Variants in TAFA2 observed in about 807,000 individuals in gnomAD.
The protein encoded by TAFA2 is TAFA chemokine like family member 2.
Under a neutral mutation model 18.8 loss-of-function variants are expected in TAFA2, and 7 were observed. The ratio of observed to expected loss-of-function variants is 0.37; its 90% CI spans 0.21 to 0.70. The LOEUF (loss-of-function observed/expected upper bound fraction) is 0.70. Among genes scored for constraint, TAFA2 ranks in the 30% least tolerant of loss-of-function variants. The pLI is 0.53. For missense variants in TAFA2, 122 were observed against 158.1 expected (o/e 0.77, Z 1.23); for synonymous variants, 60 against 54.2 (o/e 1.11, Z -0.47).
At chr12:62,004,105 T>A (rs1330230671) in intron 1 of TAFA2, among the ~76,000 whole-genome samples, 1 of 152,100 alleles carries the variant, frequency 6.6e-6, no homozygotes, top group Non-Finnish European at 1.5e-5. Context: ...GTGACTAAAA[T>A]CATTACAATA....
intron 1 of TAFA2, chr12:61,880,069 C>T: frequency 1.5e-6 from 1 of 659,916 alleles, no homozygotes; most frequent in Non-Finnish European, 2.8e-6. Context: ...TGTCCATAGA[C>T]AGCAGCCACT....
intron 1 of TAFA2, among the ~76,000 whole-genome samples, chr12:61,871,943 T>C (rs983373689): frequency 6.6e-6 from 1 of 151,994 alleles, no homozygotes. Flanking sequence ...ATACCAAAAA[T>C]TAGCCAGGCG....
At chr12:61,725,207 C>T (rs1019803734) in intron 4 of TAFA2, among the ~76,000 whole-genome samples, 4 of 151,968 alleles carry the variant, frequency 2.6e-5, no homozygotes, top group Non-Finnish European at 4.4e-5. Flanking sequence ...GCATAGTTTG[C>T]AAGTATTGTC....
intron 4 of TAFA2, among the ~76,000 whole-genome samples, chr12:61,727,363 G>A (rs1425790696): frequency 6.9e-6 from 1 of 145,706 alleles, no homozygotes; most frequent in Non-Finnish European, 1.5e-5. Flanking sequence ...TTTTTTTTTT[G>A]ACAATTTTTT....
At chr12:61,877,390 T>G (rs1327437829) in intron 1 of TAFA2, among the ~76,000 whole-genome samples, 1 of 152,180 alleles carries the variant, frequency 6.6e-6, no homozygotes, top group African/African-American at 2.4e-5. Context: ...TCCTGCAGTA[T>G]GCAATCATAT....
intron 1 of TAFA2, among the ~76,000 whole-genome samples, chr12:62,231,597 A>T (rs1424892132): frequency 1.3e-5 from 2 of 152,186 alleles, no homozygotes; most frequent in Non-Finnish European, 2.9e-5. Context: ...AAGACTTACT[A>T]CTGCTATTTT....
chr12:61,917,108 TG>T (rs1876852579), intron 1 of TAFA2, among the ~76,000 whole-genome samples: 2 of 152,180 alleles, frequency 1.3e-5, no homozygotes, highest in Non-Finnish European at 2.9e-5. Flanking sequence ...GAAATGAAGA[TG>T]ACTGTTCAAG....
chr12:61,793,503 G>A (rs1871068340), intron 2 of TAFA2, among the ~76,000 whole-genome samples: 1 of 151,598 alleles, frequency 6.6e-6, no homozygotes. Context: ...TAGGTGAAAT[G>A]GGTAAATTCT....
intron 1 of TAFA2, among the ~76,000 whole-genome samples, chr12:62,190,704 T>C (rs2062617197): frequency 6.6e-6 from 1 of 152,134 alleles, no homozygotes; most frequent in Non-Finnish European, 1.5e-5. Flanking sequence ...TTTATGAAGA[T>C]AGTTAGAGGT....
chr12:62,199,594 G>GTGTA (rs1555197666), intron 1 of TAFA2, among the ~76,000 whole-genome samples: 1 of 150,208 alleles, frequency 6.7e-6, no homozygotes, highest in East Asian at 1.9e-4. Flanking sequence ...GTATGTGTGT[G>GTGTA]TATATATATA....
intron 1 of TAFA2, among the ~76,000 whole-genome samples, chr12:62,230,212 CT>C (rs2062806430): frequency 6.8e-6 from 1 of 146,776 alleles, no homozygotes; most frequent in Non-Finnish European, 1.5e-5. Context: ...TATTTTATTT[CT>C]TCTCTGATCT....
chr12:62,127,123 A>T (rs1870495202), intron 1 of TAFA2, among the ~76,000 whole-genome samples: 3 of 152,098 alleles, frequency 2.0e-5, no homozygotes, highest in African/African-American at 7.2e-5. Flanking sequence ...TCATGGGTTT[A>T]TGTATTACTA....
intron 3 of TAFA2, among the ~76,000 whole-genome samples, chr12:61,754,580 C>T (rs1238468193): frequency 6.7e-6 from 1 of 150,012 alleles, no homozygotes; most frequent in African/African-American, 2.5e-5. Flanking sequence ...CATAATCCAC[C>T]TCCCACCATC....
intron 1 of TAFA2, among the ~76,000 whole-genome samples, chr12:61,868,587 C>T (rs1312771267): frequency 6.6e-6 from 1 of 151,942 alleles, no homozygotes; most frequent in East Asian, 1.9e-4. Context: ...ACATTTTTAC[C>T]TCCAAAACAT....
chr12:61,780,813 A>G (rs1870471554), intron 2 of TAFA2, among the ~76,000 whole-genome samples: 1 of 151,764 alleles, frequency 6.6e-6, no homozygotes, highest in Admixed American at 6.6e-5. Context: ...CCTCTATGGC[A>G]ATAGTCTTCA....
chr12:61,929,939 G>T (rs966911629), intron 1 of TAFA2, among the ~76,000 whole-genome samples: 1 of 151,348 alleles, frequency 6.6e-6, no homozygotes, highest in South Asian at 2.1e-4. Context: ...CTCACTCATA[G>T]GTGGGAATTG....
intron 2 of TAFA2, among the ~76,000 whole-genome samples, chr12:61,768,081 C>T (rs117266070): frequency 0.015 from 2,277 of 152,190 alleles, 44 homozygotes; most frequent in Non-Finnish European, 0.019. Flanking sequence ...GTCATTCACA[C>T]ATTGAAGATT....
At chr12:61,921,280 C>G (rs966026282) in intron 1 of TAFA2, among the ~76,000 whole-genome samples, 6 of 152,146 alleles carry the variant, frequency 3.9e-5, no homozygotes, top group Non-Finnish European at 8.8e-5. Context: ...AGACGATGAA[C>G]TAACCCAGGT....
chr12:61,929,198 T>G (rs1176713955), intron 1 of TAFA2, among the ~76,000 whole-genome samples: 1 of 147,426 alleles, frequency 6.8e-6, no homozygotes, highest in African/African-American at 2.5e-5. Flanking sequence ...AATGCACAAG[T>G]GGAGGGATTG....
Sources: allele counts gnomAD v4.1 joint callset (sites outside exome capture counted in the v4.1 genomes callset), GRCh38; gene constraint gnomAD v4.1.1; transcripts MANE v1.5; gene names NCBI Gene and HGNC (gene_info 2026-07-23, HGNC 2026-07-21).